SLC24A2: variants seen among roughly 807,000 people sequenced by gnomAD.
The protein encoded by SLC24A2 is solute carrier family 24 member 2.
Under a neutral mutation model 62.0 loss-of-function variants are expected in SLC24A2, and 36 were observed. That is an observed-to-expected ratio of 0.58 (90% CI 0.44 to 0.77). The LOEUF (loss-of-function observed/expected upper bound fraction) is 0.77, where lower values mean the gene tolerates loss of function less well. Among genes scored for constraint, SLC24A2 ranks in the 30% least tolerant of loss-of-function variants. The pLI, the probability that SLC24A2 is intolerant of heterozygous loss-of-function variation, is 0.00. For missense variants in SLC24A2, 846 were observed against 817.9 expected (o/e 1.03, Z -0.42); for synonymous variants, 358 against 294.0 (o/e 1.22, Z -2.23).
At chr9:19,836,870 C>A in the SLC24A2 span, among the ~76,000 whole-genome samples, 1 of 152,158 alleles carries the variant, frequency 6.6e-6, no homozygotes, top group Non-Finnish European at 1.5e-5. Flanking sequence ...CATCAAAAAG[C>A]TTATCCACCA....
the SLC24A2 span, among the ~76,000 whole-genome samples, chr9:19,903,953 T>C: frequency 2.6e-5 from 4 of 152,154 alleles, no homozygotes; most frequent in Non-Finnish European, 5.9e-5. Context: ...ACAAAGATTT[T>C]GTAACTAAGG....
At chr9:20,276,756 G>A in the SLC24A2 span, among the ~76,000 whole-genome samples, 1 of 152,220 alleles carries the variant, frequency 6.6e-6, no homozygotes, top group Non-Finnish European at 1.5e-5. Flanking sequence ...CTAGGCGGAG[G>A]TTCCCAAACC....
At chr9:20,127,651 G>A in the SLC24A2 span, among the ~76,000 whole-genome samples, 6 of 152,116 alleles carry the variant, frequency 3.9e-5, no homozygotes, top group Non-Finnish European at 5.9e-5. Context: ...AAAGACTTAA[G>A]TCATTGTTCC....
chr9:20,275,820 G>C, the SLC24A2 span, among the ~76,000 whole-genome samples: 1 of 152,178 alleles, frequency 6.6e-6, no homozygotes, highest in Admixed American at 6.5e-5. Flanking sequence ...TGAAGGAGGA[G>C]CAAAGGCACA....
the SLC24A2 span, among the ~76,000 whole-genome samples, chr9:20,128,051 T>C: frequency 6.6e-6 from 1 of 152,126 alleles, no homozygotes; most frequent in Non-Finnish European, 1.5e-5. Flanking sequence ...TTGGTTTTGC[T>C]TCATGTTCCT....
At chr9:20,113,945 G>C in the SLC24A2 span, among the ~76,000 whole-genome samples, 1 of 152,166 alleles carries the variant, frequency 6.6e-6, no homozygotes, top group East Asian at 1.9e-4. Context: ...CAATCCCTGA[G>C]AGAGGGGAAA....
At chr9:20,201,765 A>T in the SLC24A2 span, among the ~76,000 whole-genome samples, 1 of 152,160 alleles carries the variant, frequency 6.6e-6, no homozygotes, top group African/African-American at 2.4e-5. Flanking sequence ...GGAGAAAAGT[A>T]ACATTTTTAA....
chr9:20,179,827 C>T, the SLC24A2 span, among the ~76,000 whole-genome samples: 4 of 152,178 alleles, frequency 2.6e-5, no homozygotes, highest in Non-Finnish European at 5.9e-5. Context: ...ACCTGATAAA[C>T]ATATTGCTTC....
intron 2 of SLC24A2, among the ~76,000 whole-genome samples, chr9:19,778,911 A>G (rs114187819): frequency 1.3e-5 from 2 of 152,350 alleles, no homozygotes; most frequent in African/African-American, 4.8e-5. Context: ...GGAATAAAAG[A>G]GGCATTAAAA....
intron 2 of SLC24A2, among the ~76,000 whole-genome samples, chr9:19,736,889 T>A (rs1486887995): frequency 3.3e-5 from 5 of 152,064 alleles, no homozygotes; most frequent in Admixed American, 2.6e-4. Context: ...AGTTAACCCA[T>A]CATGATGATG....
At chr9:20,111,799 C>T in the SLC24A2 span, among the ~76,000 whole-genome samples, 2 of 151,990 alleles carry the variant, frequency 1.3e-5, no homozygotes, top group African/African-American at 4.8e-5. Flanking sequence ...CCCCATTGTC[C>T]ACTGGGGGAT....
chr9:19,834,876 C>G, the SLC24A2 span, among the ~76,000 whole-genome samples: 3 of 152,312 alleles, frequency 2.0e-5, no homozygotes, highest in Non-Finnish European at 2.9e-5. Context: ...CAGCGGATCT[C>G]TCGGCAGAAA....
At chr9:19,825,024 TG>T in the SLC24A2 span, among the ~76,000 whole-genome samples, 1 of 151,498 alleles carries the variant, frequency 6.6e-6, no homozygotes, top group Non-Finnish European at 1.5e-5. Flanking sequence ...TATCAGGGGG[TG>T]GGGACAAAGG....
chr9:19,896,233 T>C, the SLC24A2 span, among the ~76,000 whole-genome samples: 1 of 152,194 alleles, frequency 6.6e-6, no homozygotes, highest in African/African-American at 2.4e-5. Flanking sequence ...TGTGTTCCTG[T>C]GGGTGGTGGG....
intron 2 of SLC24A2, among the ~76,000 whole-genome samples, chr9:19,779,529 ACT>A (rs1822947478): frequency 6.6e-6 from 1 of 152,136 alleles, no homozygotes; most frequent in South Asian, 2.1e-4. Flanking sequence ...GTGAAATAAA[ACT>A]CTAAGTAAAT....
chr9:19,560,897 G>GTATA (rs1194433228), intron 7 of SLC24A2, among the ~76,000 whole-genome samples: 50 of 128,558 alleles, frequency 3.9e-4, no homozygotes, highest in African/African-American at 4.3e-4. Context: ...GTGTGTGTGT[G>GTATA]TATATATATA....
At chr9:19,742,772 C>A (rs1345690616) in intron 2 of SLC24A2, among the ~76,000 whole-genome samples, 2 of 152,162 alleles carry the variant, frequency 1.3e-5, no homozygotes, top group Non-Finnish European at 2.9e-5. Flanking sequence ...TATCCCCTAC[C>A]TCCACATACA....
chr9:19,687,716 T>C (rs967160232), intron 2 of SLC24A2, among the ~76,000 whole-genome samples: 3 of 152,082 alleles, frequency 2.0e-5, no homozygotes, highest in Non-Finnish European at 2.9e-5. Context: ...CATTCCTCCT[T>C]GAGTCCAAAT....
At chr9:20,233,157 A>G in the SLC24A2 span, among the ~76,000 whole-genome samples, 33 of 152,268 alleles carry the variant, frequency 2.2e-4, no homozygotes, top group Admixed American at 1.0e-3. Flanking sequence ...TATGTGGTCA[A>G]TTTTGTAGTA....
Sources: allele counts gnomAD v4.1 joint callset (sites outside exome capture counted in the v4.1 genomes callset), GRCh38; gene constraint gnomAD v4.1.1; transcripts MANE v1.5; gene names NCBI Gene and HGNC (gene_info 2026-07-23, HGNC 2026-07-21).